The following MYOZ1 variants were observed in gnomAD, a reference collection of about 807,000 sequenced individuals.
MYOZ1 encodes myozenin-1.
In MYOZ1, 20 loss-of-function variants were observed where a neutral mutation model predicts 28.7. The observed-to-expected ratio is 0.70, with a 90% CI of 0.49 to 1.01. The LOEUF is 1.01. Among genes scored for constraint, MYOZ1 ranks in the 50% least tolerant of loss-of-function variants. The pLI, the probability that MYOZ1 is intolerant of heterozygous loss-of-function variation, is 0.00. For missense variants in MYOZ1, 371 were observed against 372.4 expected (o/e 1.00, Z 0.03); for synonymous variants, 144 against 145.8 (o/e 0.99, Z 0.09).
chr10:73,638,681 T>G (rs1379444517), intron 2 of MYOZ1, among the ~76,000 whole-genome samples: 3 of 148,766 alleles, frequency 2.0e-5, no homozygotes, highest in South Asian at 2.1e-4. Flanking sequence ...TTTATTTATT[T>G]ATTGAGTCAG....
intron 5 of MYOZ1, among the ~76,000 whole-genome samples, chr10:73,632,755 G>A (rs941240589): frequency 1.3e-4 from 20 of 148,518 alleles, no homozygotes; most frequent in Non-Finnish European, 2.5e-4. Context: ...CTGCACTTCA[G>A]CCTGGGCAAC....
Position 73,633,944 on chromosome 10 carries a change from G to C in MYOZ1, c.624C>G (p.Ala208=). 2 of 1,613,824 alleles carry C rather than the reference G, an allele frequency of 1.2e-6. No homozygotes were observed. Among genetic ancestry groups the C allele is most frequent in the South Asian group, 2.2e-5 (2 of 90,998 alleles). ...TGGGAAGTTCAGCTTTGGCCCCATA[G>C]GCCAGCAGGTCAATGCCAAGTTCCA... ...QKMELGIDLL[A]YGAKAELPKY... The change falls in exon 5 of 6, where the codon GCC becomes GCG. Residue 208 remains alanine, a synonymous_variant. Transcript: ENST00000359322.
intron 1 of MYOZ1, 147 bp from the exon 2 acceptor site, chr10:73,640,182 T>G (rs966861835): frequency 3.4e-6 from 2 of 586,928 alleles, no homozygotes; most frequent in Non-Finnish European, 6.0e-6. Flanking sequence ...AGGATCTCAC[T>G]CTGTCGCCCA....
intron 5 of MYOZ1, among the ~76,000 whole-genome samples, chr10:73,633,291 G>C (rs778833218): frequency 6.6e-6 from 1 of 151,768 alleles, no homozygotes; most frequent in Non-Finnish European, 1.5e-5. Flanking sequence ...GAGCAAAACT[G>C]AGTCAAAGAA....
At chr10:73,638,044 G>C (rs1456832133) in intron 2 of MYOZ1, 122 bp from the exon 3 acceptor site, 3 of 862,112 alleles carry the variant, frequency 3.5e-6, no homozygotes, top group Non-Finnish European at 5.4e-6. Context: ...TCATTTAGGG[G>C]AACAAATGCT....
At chr10:73,637,719 G>C in intron 3 of MYOZ1, 25 bp downstream of exon 3, 1 of 1,594,416 alleles carries the variant, frequency 6.3e-7, no homozygotes, top group African/African-American at 1.3e-5. Flanking sequence ...CAGGCTTTGA[G>C]ATAGTGATAA....
intron 5 of MYOZ1, 37 bp from the exon 6 acceptor site, chr10:73,632,198 A>C (rs1335010148): frequency 6.3e-7 from 1 of 1,576,246 alleles, no homozygotes; most frequent in Non-Finnish European, 8.7e-7. Context: ...AAGAATCAGA[A>C]TAAAAGAAAC....
intron 5 of MYOZ1, among the ~76,000 whole-genome samples, chr10:73,632,625 C>CG (rs1554957660): frequency 1.4e-5 from 2 of 147,276 alleles, no homozygotes; most frequent in Non-Finnish European, 3.0e-5. Context: ...ACCCCCCCCC[C>CG]AAAAAAAAAT....
At chr10:73,636,047 G>A (rs777887591) in intron 3 of MYOZ1, among the ~76,000 whole-genome samples, 8 of 152,116 alleles carry the variant, frequency 5.3e-5, no homozygotes, top group Non-Finnish European at 1.0e-4. Context: ...AGTTAGATAT[G>A]AGCAGCTCAG....
rs1267014424 is a variant in MYOZ1 at position 73,634,016 on chromosome 10, A to G, written c.552T>C (p.Tyr184=). Residue 184 remains tyrosine, a synonymous_variant, in exon 5 of 6, where the codon TAT becomes TAC. Coordinates refer to ENST00000359322, the MANE Select transcript of MYOZ1 (RefSeq NM_021245.4). ...EGKHITVFKT[Y]ISPWERAMGV... Reference sequence around the variant, plus strand: ...CCATGGCTCGCTCCCATGGGGAAATATAGGTCTTGAACACAGTGATATGTT... The same window carrying G: ...CCATGGCTCGCTCCCATGGGGAAATGTAGGTCTTGAACACAGTGATATGTT... The G allele has an allele frequency of 1.2e-6, 2 of 1,613,902 alleles. No individual in the cohort carries two copies. The highest frequency in any genetic ancestry group is 1.7e-6 in the Non-Finnish European group (2 of 1,179,974).
intron 3 of MYOZ1, among the ~76,000 whole-genome samples, chr10:73,636,303 G>A (rs2081667012): frequency 6.6e-6 from 1 of 152,100 alleles, no homozygotes; most frequent in African/African-American, 2.4e-5. Context: ...TCCACACCTG[G>A]GGCTTCTTAG....
chr10:73,637,513 T>C (rs1161109719), intron 3 of MYOZ1, among the ~76,000 whole-genome samples: 4 of 152,198 alleles, frequency 2.6e-5, no homozygotes, highest in Non-Finnish European at 5.9e-5. Flanking sequence ...ATTTTCTCCC[T>C]AAGGGTGTGG....
rs757275969 is a variant in MYOZ1 at position 73,633,957 on chromosome 10, A to G, written c.611T>C (p.Ile204Thr). 3 of 1,614,036 alleles carry G rather than the reference A, an allele frequency of 1.9e-6. No individual in the cohort carries two copies. In the East Asian group the frequency reaches 6.7e-5, roughly 36 times the overall value. ...VDPQQKMELG[I>T]DLLAYGAKAE... The stretch of plus-strand genomic sequence containing the variant: ...TTTGGCCCCATAGGCCAGCAGGTCA[A>G]TGCCAAGTTCCATTTTTTGCTGGGG... Residue 204 changes from isoleucine (I) to threonine (T), a missense_variant, in exon 5 of 6, where the codon ATT becomes ACT. Transcript: ENST00000359322.
intron 5 of MYOZ1, among the ~76,000 whole-genome samples, chr10:73,632,627 A>C (rs913531456): frequency 2.0e-5 from 3 of 146,534 alleles, no homozygotes; most frequent in Non-Finnish European, 3.0e-5. Context: ...CCCCCCCCCA[A>C]AAAAAAATTA....
Position 73,633,978 on chromosome 10 carries a change from TG to T in MYOZ1, c.589del (p.Gln197SerfsTer42), listed in dbSNP as rs1458927103. 1 of 1,614,058 alleles carries T rather than the reference TG, an allele frequency of 6.2e-7. No homozygotes were observed. Among genetic ancestry groups the T allele is most frequent in the Non-Finnish European group, 8.5e-7 (1 of 1,179,958 alleles). Reference protein sequence around the residue: ...PWERAMGVDPQQKMELGIDLL... With the variant: ...PWERAMGVDPXQKMELGIDLL... ...GTCAATGCCAAGTTCCATTTTTTGC[TG>T]GGGGTCAACCCCCATGGCTCGCTCC... On this transcript the variant is annotated frameshift_variant, in exon 5 of 6. Transcript: ENST00000359322. LOFTEE classifies it high-confidence loss of function.
chr10:73,634,137 C>T (rs2132405369), intron 4 of MYOZ1, 72 bp from the exon 5 acceptor site: 2 of 1,549,556 alleles, frequency 1.3e-6, no homozygotes, highest in Non-Finnish European at 1.8e-6. Flanking sequence ...ATCCCACGCC[C>T]CTACACTAGG....
At chr10:73,632,742 C>T (rs1476203209) in intron 5 of MYOZ1, among the ~76,000 whole-genome samples, 2 of 150,182 alleles carry the variant, frequency 1.3e-5, no homozygotes, top group Non-Finnish European at 3.0e-5. Flanking sequence ...CGAGACTGCA[C>T]CACTGCACTT....
intron 1 of MYOZ1, 41 bp from the exon 2 acceptor site, chr10:73,640,076 A>G: frequency 6.5e-7 from 1 of 1,532,166 alleles, no homozygotes. Flanking sequence ...ATGGACAGGG[A>G]CTGGGAAGAG....
At position 73,634,617 on chromosome 10, in the gene MYOZ1, A is replaced by G. The variant is rs1414715974; in HGVS notation, c.369T>C (p.Ser123=). Residue 123 remains serine (S), a synonymous_variant, in exon 4 of 6, where the codon TCT becomes TCC. Coordinates refer to ENST00000359322, the MANE Select transcript of MYOZ1 (RefSeq NM_021245.4). ...RGGSQAGGSG[S]AGQYGSDQQH... ...GCTGATCAGAGCCATACTGTCCGGC[A>G]GAGCCACTGCCCCCTGCCTGGCTGC... 1.9e-6 allele frequency: 3 copies of G among 1,614,078 alleles called. No individual in the cohort carries two copies. Among genetic ancestry groups the G allele is most frequent in the Non-Finnish European group, 2.5e-6 (3 of 1,180,040 alleles).
Sources: allele counts gnomAD v4.1 joint callset (sites outside exome capture counted in the v4.1 genomes callset), GRCh38; gene constraint gnomAD v4.1.1; transcripts MANE v1.5; gene names NCBI Gene and HGNC (gene_info 2026-07-23, HGNC 2026-07-21).